The following PPP1R14C variants were observed in gnomAD, a reference collection of about 807,000 sequenced individuals.
PPP1R14C encodes the protein protein phosphatase 1 regulatory subunit 14C.
In PPP1R14C, 16 loss-of-function variants were observed where a neutral mutation model predicts 20.4. The observed-to-expected ratio is 0.78, with a 90% CI of 0.53 to 1.19. PPP1R14C has a LOEUF of 1.19. Ranked by LOEUF, PPP1R14C falls within the 50% of genes most tolerant of loss-of-function variation. The pLI is 0.00. For synonymous variants in PPP1R14C, 91 were observed against 91.0 expected (o/e 1.00, Z 0.00); for missense variants, 211 against 220.1 (o/e 0.96, Z 0.26).
chr6:150,240,201 TGA>T (rs1778415078), intron 3 of PPP1R14C, among the ~76,000 whole-genome samples: 1 of 152,182 alleles, frequency 6.6e-6, no homozygotes, highest in Non-Finnish European at 1.5e-5. Context: ...ACATTAGGAA[TGA>T]GAGAGGTGAC....
rs576059928 is a variant in PPP1R14C, at chr6:150,166,288, G to A, written c.306+22790G>A. Among the ~76,000 whole-genome samples the A allele has an allele frequency of 6.6e-5, 10 of 152,178 alleles. No individual in the cohort carries two copies. In the East Asian group the frequency reaches 1.9e-3, roughly 29 times the overall value. On this transcript the variant is annotated intron_variant, in intron 1 of 3. Coordinates refer to ENST00000361131, the MANE Select transcript of PPP1R14C (RefSeq NM_030949.3). Reference sequence around the variant, plus strand: ...GTAGAGATGGGGTTTCACCATGTTAGCCAGGATGGTCTCGATCTCCTGACC... The same window carrying A: ...GTAGAGATGGGGTTTCACCATGTTAACCAGGATGGTCTCGATCTCCTGACC...
At position 150,143,127 on chromosome 6, in the gene PPP1R14C, A is replaced by AGCG; in HGVS notation, c.-62_-60dup. 2 of 1,174,736 alleles carry AGCG rather than the reference A, an allele frequency of 1.7e-6. No individual in the cohort carries two copies. The highest frequency in any genetic ancestry group is 8.4e-5 in the South Asian group (2 of 23,820). 72.8% of individuals were successfully genotyped at this position (1,174,736 alleles called of 1,614,324 possible). On this transcript the variant is annotated 5_prime_UTR_variant, in exon 1 of 4. Transcript: ENST00000361131. The surrounding 1 kb of genome is among the most constrained non-coding windows in gnomAD (Gnocchi z 5.6). Reference sequence around the variant, plus strand: ...ATGCGGCTGCCGGGCCGGAGGTGGTAGCGGCGCCGGGCGCGCTCCGCCCGC... The same window carrying AGCG: ...ATGCGGCTGCCGGGCCGGAGGTGGTAGCGGCGGCGCCGGGCGCGCTCCGCCCGC...
At chr6:150,168,308 G>A (rs1272163582) in intron 1 of PPP1R14C, among the ~76,000 whole-genome samples, 6 of 151,594 alleles carry the variant, frequency 4.0e-5, no homozygotes, top group African/African-American at 1.2e-4. Flanking sequence ...AGGCCGAGGC[G>A]GGCAGATCAC....
In PPP1R14C at chr6:150,167,320, A is replaced by G. The variant is rs547722598; in HGVS notation, c.306+23822A>G. ...GAGGCAGAGGTTGAGGTGAGCCGAG[A>G]TCGCACCACTGCACTCCAGCCTGGG... On this transcript the variant is annotated intron_variant, in intron 1 of 3. Coordinates refer to ENST00000361131, the MANE Select transcript of PPP1R14C (RefSeq NM_030949.3). Among the ~76,000 whole-genome samples, 9 of 152,094 alleles carry G rather than the reference A, an allele frequency of 5.9e-5. No homozygotes were observed. The East Asian group carries it at 1.7e-3, about 29-fold the overall frequency.
intron 1 of PPP1R14C, among the ~76,000 whole-genome samples, chr6:150,203,418 C>T (rs1207271775): frequency 6.6e-6 from 1 of 152,178 alleles, no homozygotes; most frequent in Admixed American, 6.5e-5. Flanking sequence ...TTTTATACTC[C>T]AAGTGCAGTG....
chr6:150,248,243 T>C (rs190612810), intron 3 of PPP1R14C, among the ~76,000 whole-genome samples: 1 of 152,278 alleles, frequency 6.6e-6, no homozygotes, highest in Admixed American at 6.5e-5. Flanking sequence ...GGAGGACACA[T>C]TCAAACCATA....
In PPP1R14C at chr6:150,143,064, C is replaced by G; in HGVS notation, c.-129C>G. On this transcript the variant is annotated 5_prime_UTR_variant, in exon 1 of 4. Transcript: ENST00000361131. The surrounding 1 kb of genome is among the most constrained non-coding windows in gnomAD (Gnocchi z 5.6). ...CTCCCAGAGCAGCCGGGCGGCTGGG[C>G]GCGCGCGGCGCAGAGCAGGTGCCGG... 9.3e-7 allele frequency: 1 copy of G among 1,080,334 alleles called. No individual in the cohort carries two copies. The highest frequency in any genetic ancestry group is 1.1e-6 in the Non-Finnish European group (1 of 895,556). The allele number at this position is 1,080,334 out of a possible 1,614,324, so 66.9% of individuals were successfully genotyped here. A position where few individuals can be genotyped will look rare whatever the true frequency, so the allele number is the denominator to read the frequency against.
intron 3 of PPP1R14C, among the ~76,000 whole-genome samples, chr6:150,217,195 AT>A (rs397886649): frequency 0.022 from 2,936 of 135,580 alleles, 44 homozygotes; most frequent in African/African-American, 0.059. Flanking sequence ...ATTGGTATGT[AT>A]TTTTTTTTTT....
rs1582890468 is a variant in PPP1R14C at position 150,143,280 on chromosome 6, G to A, written c.88G>A (p.Ala30Thr). 3 of 1,533,764 alleles carry A rather than the reference G, an allele frequency of 2.0e-6. No homozygotes were observed. The highest frequency in any genetic ancestry group is 2.6e-5 in the East Asian group (1 of 38,004). ...TTTCTTCCAAAGCCCCCGGGGTGGC[G>A]CCGGTGGCAGCCCCGGCTCCAGCAG... ...RVFFQSPRGGAGGSPGSSSGS... is the reference protein window; with the variant it reads ...RVFFQSPRGGTGGSPGSSSGS... Residue 30 changes from alanine (A) to threonine (T), a missense_variant, in exon 1 of 4, where the codon GCC becomes ACC. Coordinates refer to ENST00000361131, the MANE Select transcript of PPP1R14C (RefSeq NM_030949.3). The surrounding 1 kb of genome is among the most constrained non-coding windows in gnomAD (Gnocchi z 5.6).
chr6:150,249,673 G>A lies in PPP1R14C; in HGVS notation c.*853G>A, dbSNP rs1303534298. 1 of 397,444 alleles carries A rather than the reference G, an allele frequency of 2.5e-6. No individual in the cohort carries two copies. Among genetic ancestry groups the A allele is most frequent in the East Asian group, 3.6e-5 (1 of 28,064 alleles). 24.6% of individuals were successfully genotyped at this position (397,444 alleles called of 1,614,324 possible). ...CATTGGAAAAAGGAAGCACTGTGTA[G>A]CAGTGAATTGTCTGCTTTCCACCGA... On this transcript the variant is annotated 3_prime_UTR_variant, in exon 4 of 4. Transcript: ENST00000361131.
At position 150,143,079 on chromosome 6, in the gene PPP1R14C, G is replaced by A. The variant is rs567194678; in HGVS notation, c.-114G>A. The A allele has an allele frequency of 1.3e-3, 1,449 of 1,106,698 alleles. 12 individuals carry two copies. In the African/African-American group the frequency reaches 0.021, roughly 16 times the overall value. The allele number at this position is 1,106,698 out of a possible 1,614,324, so 68.6% of individuals were successfully genotyped here. On this transcript the variant is annotated 5_prime_UTR_variant, in exon 1 of 4. Transcript: ENST00000361131. The surrounding 1 kb of genome is among the most constrained non-coding windows in gnomAD (Gnocchi z 5.6). Reference sequence around the variant, plus strand: ...GGCGGCTGGGCGCGCGCGGCGCAGAGCAGGTGCCGGGGAGCCCTTCGCATG... The same window carrying A: ...GGCGGCTGGGCGCGCGCGGCGCAGAACAGGTGCCGGGGAGCCCTTCGCATG...
intron 1 of PPP1R14C, among the ~76,000 whole-genome samples, chr6:150,153,389 G>A (rs1399084244): frequency 6.6e-6 from 1 of 152,240 alleles, no homozygotes; most frequent in East Asian, 1.9e-4. Context: ...GTGGCGTAAG[G>A]CACAGATGTA....
chr6:150,179,670 A>G (rs1777600144), intron 1 of PPP1R14C, among the ~76,000 whole-genome samples: 1 of 152,084 alleles, frequency 6.6e-6, no homozygotes, highest in African/African-American at 2.4e-5. Context: ...GATAATATCC[A>G]TGAAGGCTCT....
chr6:150,213,346 A>AACACACACACACACACAC (rs3049230), intron 1 of PPP1R14C, among the ~76,000 whole-genome samples: 1 of 149,304 alleles, frequency 6.7e-6, no homozygotes, highest in African/African-American at 2.5e-5. Context: ...TTTGTGTTGT[A>AACACACACACACACACAC]ACACACACAC....
In PPP1R14C at chr6:150,247,717, T is replaced by A. The variant is rs964547861; in HGVS notation, c.424-1029T>A. 8.0e-5 allele frequency among the ~76,000 whole-genome samples: 11 copies of A among 136,716 alleles called. No individual in the cohort carries two copies. The East Asian group carries it at 2.4e-3, about 30-fold the overall frequency. 89.7% of individuals were successfully genotyped at this position (136,716 alleles called of 152,430 possible). On this transcript the variant is annotated intron_variant, in intron 3 of 3. Coordinates refer to ENST00000361131, the MANE Select transcript of PPP1R14C (RefSeq NM_030949.3). ...TTTGCTGTCAAAAAACTTCAAAGAC[T>A]CTTAGTGTGATCTACACCAGTGGTG...
At position 150,185,959 on chromosome 6, in the gene PPP1R14C, G is replaced by A. The variant is rs1257070651; in HGVS notation, c.307-28785G>A. On this transcript the variant is annotated intron_variant, in intron 1 of 3. Transcript: ENST00000361131. The surrounding 1 kb of genome is among the most constrained non-coding windows in gnomAD (Gnocchi z 4.1). ...AGTGCACACATCACTTCACATCAGA[G>A]TTCACTGGGCAAAGCAAGTCCCTTA... is the stretch of plus-strand genomic sequence containing the variant. Among the ~76,000 whole-genome samples, 1 of 152,132 alleles carries A rather than the reference G, an allele frequency of 6.6e-6. No individual in the cohort carries two copies. Among genetic ancestry groups the A allele is most frequent in the African/African-American group, 2.4e-5 (1 of 41,418 alleles).
chr6:150,165,694 G>A (rs1777414896), intron 1 of PPP1R14C, among the ~76,000 whole-genome samples: 1 of 152,068 alleles, frequency 6.6e-6, no homozygotes, highest in African/African-American at 2.4e-5. Flanking sequence ...CTATTTTGAG[G>A]GTAGCTTTAT....
Position 150,161,543 on chromosome 6 carries a change from C to T in PPP1R14C, c.306+18045C>T, listed in dbSNP as rs573689917. Among the ~76,000 whole-genome samples, 12 of 152,340 alleles carry T rather than the reference C, an allele frequency of 7.9e-5. 1 individual carries two copies. The South Asian group carries it at 2.5e-3, about 32-fold the overall frequency. On this transcript the variant is annotated intron_variant, in intron 1 of 3. Coordinates refer to ENST00000361131, the MANE Select transcript of PPP1R14C (RefSeq NM_030949.3). The stretch of plus-strand genomic sequence containing the variant: ...GGTTGCACTAGCCCCCTTTCTTTGC[C>T]TGTCTTTAAACTCCTACTCCAACAG...
chr6:150,179,080 C>T (rs1777592860), intron 1 of PPP1R14C, among the ~76,000 whole-genome samples: 1 of 152,072 alleles, frequency 6.6e-6, no homozygotes, highest in Non-Finnish European at 1.5e-5. Context: ...TGGAACCAAC[C>T]TGGGAAGGCA....
Sources: allele counts gnomAD v4.1 joint callset (sites outside exome capture counted in the v4.1 genomes callset), GRCh38; gene constraint gnomAD v4.1.1; non-coding constraint Gnocchi (gnomAD v3.1); transcripts MANE v1.5; gene names NCBI Gene and HGNC (gene_info 2026-07-23, HGNC 2026-07-21).